The following KCNK13 variants were observed in gnomAD, a reference collection of about 807,000 sequenced individuals.
KCNK13 encodes potassium two pore domain channel subfamily K member 13.
A neutral mutation model predicts 23.4 loss-of-function variants in KCNK13; 12 were observed. The observed-to-expected ratio is 0.51, with a 90% CI of 0.33 to 0.83. The LOEUF is 0.83. KCNK13 is among the 40% of genes least tolerant of loss of function. KCNK13 has a pLI of 0.02. For synonymous variants in KCNK13, 231 were observed against 229.5 expected, an observed-to-expected ratio of 1.01 and a Z score of -0.06; for missense variants, 463 against 556.3, an observed-to-expected ratio of 0.83 and a Z score of 1.69.
At chr14:90,103,743 A>G (rs1424121143) in intron 1 of KCNK13, among the ~76,000 whole-genome samples, 1 of 152,060 alleles carries the variant, frequency 6.6e-6, no homozygotes, top group African/African-American at 2.4e-5. Flanking sequence ...TTGTATTTTT[A>G]GTAGAGACGG....
At chr14:90,170,750 A>C (rs1377293488) in intron 1 of KCNK13, among the ~76,000 whole-genome samples, 1 of 152,208 alleles carries the variant, frequency 6.6e-6, no homozygotes, top group Non-Finnish European at 1.5e-5. Flanking sequence ...AATGGGGCAG[A>C]GGAAAAATGC....
chr14:90,077,372 C>G (rs186320184), intron 1 of KCNK13, among the ~76,000 whole-genome samples: 1 of 150,588 alleles, frequency 6.6e-6, no homozygotes, highest in Non-Finnish European at 1.5e-5. Flanking sequence ...CCGCCCGCCT[C>G]GGCCTCCCAA....
In KCNK13 at chr14:90,152,395, C is replaced by T. The variant is rs144879871; in HGVS notation, c.335-31716C>T. Among the ~76,000 whole-genome samples, 1,322 of 152,126 alleles carry T rather than the reference C, an allele frequency of 8.7e-3. 31 individuals carry two copies. The highest frequency in any genetic ancestry group is 0.03 in the African/African-American group (1,258 of 41,490). ...TACTAAAAATACAAAATTAGTTGGG[C>T]GTAGTGGCGCACACCTGTAATCCCA... On this transcript the variant is annotated intron_variant, in intron 1 of 1. Transcript: ENST00000282146.
intron 1 of KCNK13, among the ~76,000 whole-genome samples, chr14:90,161,893 A>G (rs927961337): frequency 6.6e-6 from 1 of 152,174 alleles, no homozygotes; most frequent in Non-Finnish European, 1.5e-5. Context: ...GAAAAGGAGA[A>G]CAGGGCTGGA....
intron 1 of KCNK13, among the ~76,000 whole-genome samples, chr14:90,109,601 G>A (rs1596781894): frequency 6.6e-6 from 1 of 151,674 alleles, no homozygotes; most frequent in African/African-American, 2.4e-5. Context: ...TAGTAGAGAC[G>A]AGGTTTCACC....
intron 1 of KCNK13, among the ~76,000 whole-genome samples, chr14:90,076,878 G>C (rs1347777735): frequency 2.0e-5 from 3 of 152,096 alleles, no homozygotes; most frequent in Non-Finnish European, 4.4e-5. Flanking sequence ...GGAGTGCAGT[G>C]GCGTGATCTC....
intron 1 of KCNK13, among the ~76,000 whole-genome samples, chr14:90,112,364 A>G (rs557125664): frequency 1.3e-5 from 2 of 152,342 alleles, no homozygotes; most frequent in African/African-American, 4.8e-5. Flanking sequence ...CACAAACATC[A>G]AAAAGAACTG....
intron 1 of KCNK13, among the ~76,000 whole-genome samples, chr14:90,087,178 G>A (rs1180237360): frequency 5.1e-5 from 7 of 136,166 alleles, no homozygotes; most frequent in Non-Finnish European, 7.6e-5. Context: ...TTGAGATGGG[G>A]CCTCACTATG....
At chr14:90,134,038 G>A (rs1407061464) in intron 1 of KCNK13, among the ~76,000 whole-genome samples, 2 of 152,172 alleles carry the variant, frequency 1.3e-5, no homozygotes, top group Admixed American at 1.3e-4. Flanking sequence ...CTGGGACATA[G>A]GCCAGATACT....
chr14:90,172,755 A>G (rs1312306249), intron 1 of KCNK13, among the ~76,000 whole-genome samples: 1 of 152,232 alleles, frequency 6.6e-6, no homozygotes, highest in Non-Finnish European at 1.5e-5. Flanking sequence ...GCAAGTGTCT[A>G]TTTTGGAATC....
At chr14:90,066,859 G>A (rs892926032) in intron 1 of KCNK13, among the ~76,000 whole-genome samples, 3 of 152,116 alleles carry the variant, frequency 2.0e-5, no homozygotes, top group Non-Finnish European at 2.9e-5. Context: ...ATATTTGTAC[G>A]CCAGTGTTCA....
intron 1 of KCNK13, among the ~76,000 whole-genome samples, chr14:90,159,031 T>C (rs1890224614): frequency 6.6e-6 from 1 of 152,156 alleles, no homozygotes; most frequent in South Asian, 2.1e-4. Flanking sequence ...TGAACAGAAA[T>C]GGATTGGCTT....
intron 1 of KCNK13, among the ~76,000 whole-genome samples, chr14:90,127,453 C>CTT (rs11404565): frequency 0.074 from 9,901 of 132,944 alleles, 518 homozygotes; most frequent in South Asian, 0.15. Flanking sequence ...GCTCACCATA[C>CTT]TTTTTTTTTT....
At chr14:90,103,887 T>A (rs1000645191) in intron 1 of KCNK13, among the ~76,000 whole-genome samples, 1 of 152,058 alleles carries the variant, frequency 6.6e-6, no homozygotes, top group African/African-American at 2.4e-5. Flanking sequence ...TTGTTGTTGT[T>A]TCTCTCTCTC....
At chr14:90,181,791 C>A in intron 1 of KCNK13, among the ~76,000 whole-genome samples, 1 of 152,176 alleles carries the variant, frequency 6.6e-6, no homozygotes, top group East Asian at 1.9e-4. Flanking sequence ...ACACATCTCT[C>A]TTCATGTTTC....
intron 1 of KCNK13, among the ~76,000 whole-genome samples, chr14:90,177,531 T>C (rs1022980910): frequency 5.3e-5 from 8 of 152,224 alleles, no homozygotes; most frequent in Non-Finnish European, 1.0e-4. Context: ...TCTTTCCTCT[T>C]ATAGATAATT....
At chr14:90,166,195 G>C (rs10132887) in intron 1 of KCNK13, among the ~76,000 whole-genome samples, 1,749 of 152,330 alleles carry the variant, frequency 0.011, 37 homozygotes, top group African/African-American at 0.04. Context: ...ATGCTTTACT[G>C]TTATGGAAAT....
At chr14:90,081,753 T>C (rs903462872) in intron 1 of KCNK13, among the ~76,000 whole-genome samples, 2 of 152,202 alleles carry the variant, frequency 1.3e-5, no homozygotes, top group African/African-American at 2.4e-5. Flanking sequence ...TGAATATGGT[T>C]TGTCCCCACG....
At chr14:90,116,735 C>T (rs1409328903) in intron 1 of KCNK13, among the ~76,000 whole-genome samples, 3 of 152,170 alleles carry the variant, frequency 2.0e-5, no homozygotes, top group Non-Finnish European at 2.9e-5. Context: ...GCATACCCCA[C>T]GGGTCTGTGT....
Sources: allele counts gnomAD v4.1 joint callset (sites outside exome capture counted in the v4.1 genomes callset), GRCh38; gene constraint gnomAD v4.1.1; transcripts MANE v1.5; gene names NCBI Gene and HGNC (gene_info 2026-07-23, HGNC 2026-07-21).